The following GFRA1 variants were observed in gnomAD, a reference collection of about 807,000 sequenced individuals.
GFRA1 encodes GDNF family receptor alpha-1.
In GFRA1, 16 loss-of-function variants were observed where a neutral mutation model predicts 51.6. That is an observed-to-expected ratio of 0.31 (90% CI 0.21 to 0.47). The LOEUF is 0.47. GFRA1 is among the 20% of genes least tolerant of loss of function. GFRA1 has a pLI of 1.00. For missense variants in GFRA1, 530 were observed against 594.3 expected, an observed-to-expected ratio of 0.89 and a Z score of 1.13; for synonymous variants, 270 against 241.3, an observed-to-expected ratio of 1.12 and a Z score of -1.10.
Position 116,062,042 on chromosome 10 carries a change from G to C in GFRA1, c.*2356C>G, listed in dbSNP as rs928357600. The C allele has an allele frequency of 5.0e-6, 2 of 398,504 alleles. No homozygotes were observed. Among genetic ancestry groups the C allele is most frequent in the African/African-American group, 4.1e-5 (2 of 48,640 alleles). 24.7% of individuals were successfully genotyped at this position (398,504 alleles called of 1,614,324 possible). A position where few individuals can be genotyped will look rare whatever the true frequency, so the allele number is the denominator to read the frequency against. On this transcript the variant is annotated 3_prime_UTR_variant, in exon 11 of 11. Transcript: ENST00000355422. ...AAAAATGAGATATTTGTTGGTGACA[G>C]ATGAGGCTTTTCAAAATGTAATTTA...
At chr10:116,171,436 C>A (rs1961013468) in intron 5 of GFRA1, among the ~76,000 whole-genome samples, 1 of 152,132 alleles carries the variant, frequency 6.6e-6, no homozygotes, top group African/African-American at 2.4e-5. Context: ...TCTGATCCGG[C>A]TTAAATATAT....
At position 116,057,755 on chromosome 10, in the gene GFRA1, G is replaced by A. The variant is rs764808747; in HGVS notation, c.*6643C>T. On this transcript the variant is annotated 3_prime_UTR_variant, in exon 11 of 11. Coordinates refer to ENST00000355422, the MANE Select transcript of GFRA1 (RefSeq NM_005264.8). The stretch of plus-strand genomic sequence containing the variant: ...AACTGTTTTTTTTTTTTCAACCCTC[G>A]GAGGACAATCAGCTCTTCCTGAATC... The A allele has an allele frequency of 1.3e-5, 2 of 148,880 alleles. No individual in the cohort carries two copies. Among genetic ancestry groups the A allele is most frequent in the Non-Finnish European group, 3.0e-5 (2 of 67,572 alleles). The allele number at this position is 148,880 out of a possible 1,614,324, so 9.2% of individuals were successfully genotyped here.
At chr10:116,191,780 ACTTTGGGAGGCCAAGGCAGGCGGATCAC>A (rs368256212) in intron 5 of GFRA1, among the ~76,000 whole-genome samples, 4 of 152,348 alleles carry the variant, frequency 2.6e-5, no homozygotes, top group African/African-American at 9.6e-5. Context: ...TAATCCCAGC[ACTTTGGGAGGCCAAGGCAGGCGGATCAC>A]CTGAGGTCAG....
intron 8 of GFRA1, among the ~76,000 whole-genome samples, 176 bp downstream of exon 8, chr10:116,093,526 C>A (rs1956441346): frequency 6.6e-6 from 1 of 152,086 alleles, no homozygotes; most frequent in South Asian, 2.1e-4. Context: ...GCTGGATTTA[C>A]CATCAGTGAC....
chr10:116,108,441 A>G (rs1354462909), intron 6 of GFRA1, among the ~76,000 whole-genome samples: 2 of 152,056 alleles, frequency 1.3e-5, no homozygotes, highest in Non-Finnish European at 2.9e-5. Flanking sequence ...CCTATTAGCA[A>G]CCCATTCTCA....
At chr10:116,067,871 A>G (rs918279416) in intron 9 of GFRA1, among the ~76,000 whole-genome samples, 9 of 152,204 alleles carry the variant, frequency 5.9e-5, no homozygotes, top group Admixed American at 1.3e-4. Flanking sequence ...CATAACTTCA[A>G]TTTCACAGGA....
chr10:116,100,219 C>T (rs1221739653), intron 6 of GFRA1, among the ~76,000 whole-genome samples: 4 of 152,326 alleles, frequency 2.6e-5, no homozygotes, highest in South Asian at 4.1e-4. Flanking sequence ...ATAACAACTA[C>T]GAAGTATTTG....
At chr10:116,169,928 C>T (rs1187025573) in intron 5 of GFRA1, among the ~76,000 whole-genome samples, 1 of 152,174 alleles carries the variant, frequency 6.6e-6, no homozygotes, top group Non-Finnish European at 1.5e-5. Context: ...CCAGAGGTTG[C>T]TGGCAACCCC....
At chr10:116,077,593 T>C (rs967328137) in intron 9 of GFRA1, among the ~76,000 whole-genome samples, 12 of 152,250 alleles carry the variant, frequency 7.9e-5, no homozygotes, top group Non-Finnish European at 1.6e-4. Flanking sequence ...CCATTACAAC[T>C]TTTAAAATGA....
At chr10:116,143,946 C>T (rs1958683521) in intron 5 of GFRA1, among the ~76,000 whole-genome samples, 1 of 152,106 alleles carries the variant, frequency 6.6e-6, no homozygotes, top group Non-Finnish European at 1.5e-5. Flanking sequence ...TGTCACTGCT[C>T]GGTTTGGTAG....
At chr10:116,088,580 C>G (rs977743305) in intron 9 of GFRA1, among the ~76,000 whole-genome samples, 1 of 152,120 alleles carries the variant, frequency 6.6e-6, no homozygotes, top group Non-Finnish European at 1.5e-5. Context: ...ATAGTGACAG[C>G]ATCTCTCCTG....
chr10:116,086,391 T>C (rs1956101742), intron 9 of GFRA1, among the ~76,000 whole-genome samples: 2 of 152,226 alleles, frequency 1.3e-5, no homozygotes, highest in African/African-American at 4.8e-5. Context: ...GAACGTTTAC[T>C]CTGCTCCATT....
At position 116,059,760 on chromosome 10, in the gene GFRA1, A is replaced by G. The variant is rs1279666015; in HGVS notation, c.*4638T>C. On this transcript the variant is annotated 3_prime_UTR_variant, in exon 11 of 11. Transcript: ENST00000355422. ...GGGAGCAACAAAGGGATTCCTGGCA[A>G]GGATGAGACCATCCCCAATCCCAAA... 1 of 152,234 alleles carries G rather than the reference A, an allele frequency of 6.6e-6. No homozygotes were observed. Among genetic ancestry groups the G allele is most frequent in the African/African-American group, 2.4e-5 (1 of 41,466 alleles). The allele number at this position is 152,234 out of a possible 1,614,324, so 9.4% of individuals were successfully genotyped here.
intron 4 of GFRA1, among the ~76,000 whole-genome samples, chr10:116,234,783 A>C (rs540837788): frequency 6.6e-6 from 1 of 152,288 alleles, no homozygotes; most frequent in East Asian, 1.9e-4. Context: ...GTCCCTACCC[A>C]AATCTCATCT....
chr10:116,080,637 C>T (rs536962080), intron 9 of GFRA1, among the ~76,000 whole-genome samples: 1 of 152,258 alleles, frequency 6.6e-6, no homozygotes, highest in Admixed American at 6.5e-5. Flanking sequence ...GAGAGATAAC[C>T]TCTAAATCCT....
At position 116,228,937 on chromosome 10, in the gene GFRA1, C is replaced by T. The variant is rs149676248; in HGVS notation, c.419-17292G>A. ...TGCAGGTTGCAGTGAGCCAAGATCGCGCCACTGCACTCCAGACTTGATGAC... is the reference window on the plus strand; with the variant it reads ...TGCAGGTTGCAGTGAGCCAAGATCGTGCCACTGCACTCCAGACTTGATGAC... On this transcript the variant is annotated intron_variant, in intron 4 of 10. Coordinates refer to ENST00000355422, the MANE Select transcript of GFRA1 (RefSeq NM_005264.8). 9.6e-3 allele frequency among the ~76,000 whole-genome samples: 1,334 copies of T among 138,568 alleles called. 18 individuals are homozygous for T. Among genetic ancestry groups the T allele is most frequent in the African/African-American group, 0.032 (1,174 of 37,058 alleles). The allele number at this position is 138,568 out of a possible 152,430, so 90.9% of individuals were successfully genotyped here.
upstream of GFRA1, among the ~76,000 whole-genome samples, chr10:116,273,902 C>T (rs1844125995): frequency 2.0e-5 from 3 of 152,114 alleles, no homozygotes; most frequent in South Asian, 6.2e-4. Flanking sequence ...TTCGTCCACG[C>T]CAGCGCGTGC....
intron 5 of GFRA1, among the ~76,000 whole-genome samples, chr10:116,135,401 C>T (rs962005769): frequency 3.3e-5 from 5 of 152,174 alleles, no homozygotes; most frequent in East Asian, 1.9e-4. Context: ...CCTGTCTCTT[C>T]GCAAACAACT....
At chr10:116,173,296 C>T (rs981455453) in intron 5 of GFRA1, among the ~76,000 whole-genome samples, 1 of 152,082 alleles carries the variant, frequency 6.6e-6, no homozygotes, top group Non-Finnish European at 1.5e-5. Context: ...TGCTGTCTGC[C>T]GTCCCAGTAT....
Sources: allele counts gnomAD v4.1 joint callset (sites outside exome capture counted in the v4.1 genomes callset), GRCh38; gene constraint gnomAD v4.1.1; transcripts MANE v1.5; gene names NCBI Gene and HGNC (gene_info 2026-07-23, HGNC 2026-07-21).